LOXHD1: variants seen among roughly 807,000 people sequenced by gnomAD.
LOXHD1 encodes lipoxygenase homology domain-containing protein 1.
LOXHD1 carries 205 observed loss-of-function variants against 248.2 expected under a neutral mutation model. That is an observed-to-expected ratio of 0.83 (90% CI 0.74 to 0.93). The LOEUF (loss-of-function observed/expected upper bound fraction) is 0.93, where lower values mean the gene tolerates loss of function less well. LOXHD1 is among the 40% of genes least tolerant of loss of function. The probability of loss-of-function intolerance (pLI) is 0.00; values close to 1 mark genes in which losing one functional copy is unlikely to be tolerated. For missense variants in LOXHD1, 2,930 were observed against 2,971.6 expected (o/e 0.99, Z 0.33); for synonymous variants, 1,113 against 1,162.8 (o/e 0.96, Z 0.87).
At position 46,518,132 on chromosome 18, in the gene LOXHD1, GCTTT is replaced by G; in HGVS notation, c.5392_5395del (p.Lys1798ProfsTer16). On this transcript the variant is annotated frameshift_variant, in exon 34 of 41. Coordinates refer to ENST00000642948, the MANE Select transcript of LOXHD1 (RefSeq NM_001384474.1). LOFTEE classifies it high-confidence loss of function. ...GGCAGGGGCCGCCTCCAGGTACCTG[GCTTT>G]CTTTTTGTCCAGCTGCATCTCCTCT... is the stretch of plus-strand genomic sequence containing the variant. The G allele has an allele frequency of 6.4e-7, 1 of 1,551,592 alleles. No homozygotes were observed. The highest frequency in any genetic ancestry group is 8.7e-7 in the Non-Finnish European group (1 of 1,146,980).
intron 4 of LOXHD1, among the ~76,000 whole-genome samples, chr18:46,638,353 C>T (rs932397472): frequency 1.3e-5 from 2 of 152,156 alleles, no homozygotes; most frequent in East Asian, 3.8e-4. Context: ...AATCAATGGC[C>T]GGGCACGGTG....
Position 46,642,009 on chromosome 18 carries a change from G to A in LOXHD1, c.273C>T (p.Asn91=), listed in dbSNP as rs543837377. The A allele has an allele frequency of 2.2e-5, 34 of 1,552,308 alleles. No individual in the cohort carries two copies. The African/African-American group carries it at 3.0e-4, about 14-fold the overall frequency. The part of the protein sequence containing the change: ...SKSKSAFEKG[N]VDVFRVRTNN... ...TGGTTCTCACCCGGAACACATCGAC[G>A]TTGCCCTTCTCAAAGGCAGACTTGC... The change falls in exon 3 of 41, where the codon AAC becomes AAT. Residue 91 remains asparagine (N), a synonymous_variant. Transcript: ENST00000642948.
chr18:46,538,356 G>A lies in LOXHD1; in HGVS notation c.3914-19C>T. The A allele has an allele frequency of 1.3e-6, 2 of 1,538,432 alleles. No individual in the cohort carries two copies. Among genetic ancestry groups the A allele is most frequent in the African/African-American group, 1.4e-5 (1 of 72,984 alleles). ...GGAACAACTGAGGGTGGTGGTCAGA[G>A]GGCAAAGCCAGAGTGGATGAGAGAA... On this transcript the variant is annotated intron_variant, in intron 25 of 40. Transcript: ENST00000642948.
chr18:46,485,185 G>A (rs1274631294), intron 38 of LOXHD1, 34 bp from the exon 39 acceptor site: 1 of 1,533,400 alleles, frequency 6.5e-7, no homozygotes, highest in Non-Finnish European at 8.8e-7. Context: ...GGTCAGCACA[G>A]GGGAAGCAGT....
chr18:46,522,253 T>C lies in LOXHD1; in HGVS notation c.4933A>G (p.Ser1645Gly), dbSNP rs1292791816. The C allele has an allele frequency of 6.4e-7, 1 of 1,551,872 alleles. No individual in the cohort carries two copies. Among genetic ancestry groups the C allele is most frequent in the Non-Finnish European group, 8.7e-7 (1 of 1,147,030 alleles). ...CCGATGAGAAAGATGAAGGCTCGGC[T>C]GTCAGTGGCCGCGTCCTTGTGCTTC... is the stretch of plus-strand genomic sequence containing the variant. The part of the protein sequence containing the change: ...TGKHKDAATD[S>G]RAFIFLIGED... Residue 1645 changes from serine (S) to glycine (G), a missense_variant, in exon 32 of 41, where the codon AGC becomes GGC. By Grantham distance (56) the Ser-to-Gly change is moderately conservative. Coordinates refer to ENST00000642948, the MANE Select transcript of LOXHD1 (RefSeq NM_001384474.1).
intron 4 of LOXHD1, among the ~76,000 whole-genome samples, chr18:46,625,431 G>T (rs2038727938): frequency 6.6e-6 from 1 of 151,468 alleles, no homozygotes; most frequent in Non-Finnish European, 1.5e-5. Flanking sequence ...GGGCCACACT[G>T]GAAGGAGAAG....
intron 39 of LOXHD1, 30 bp from the exon 40 acceptor site, chr18:46,483,775 C>T: frequency 6.5e-7 from 1 of 1,544,310 alleles, no homozygotes; most frequent in Non-Finnish European, 8.8e-7. Flanking sequence ...GGTCCATGAG[C>T]TGCCTTTGCC....
intron 4 of LOXHD1, among the ~76,000 whole-genome samples, 170 bp from the exon 5 acceptor site, chr18:46,618,460 G>A (rs2038621819): frequency 6.6e-6 from 1 of 152,118 alleles, no homozygotes; most frequent in South Asian, 2.1e-4. Flanking sequence ...GGTTCCAAAT[G>A]GTCATTGCAT....
rs556365026 is a variant in LOXHD1, at chr18:46,520,853, G to A, written c.5271+244C>T. On this transcript the variant is annotated intron_variant, in intron 33 of 40. Transcript: ENST00000642948. ...CAGGGATGCATTATTTCTAAGCAGT[G>A]TATGGGAAGACCAAGGCCCAGAGAA... is the stretch of plus-strand genomic sequence containing the variant. The A allele has an allele frequency of 2.5e-4, 130 of 528,346 alleles. 1 individual carries two copies. The East Asian group carries it at 3.6e-3, about 15-fold the overall frequency. 32.7% of individuals were successfully genotyped at this position (528,346 alleles called of 1,614,324 possible). A position where few individuals can be genotyped will look rare whatever the true frequency, so the allele number is the denominator to read the frequency against.
chr18:46,575,106 T>C (rs185978241), intron 14 of LOXHD1, among the ~76,000 whole-genome samples: 1 of 152,090 alleles, frequency 6.6e-6, no homozygotes, highest in Non-Finnish European at 1.5e-5. Flanking sequence ...ACCAAACACA[T>C]CCCAACTAGA....
At chr18:46,564,148 AC>A (rs1229579737) in intron 17 of LOXHD1, among the ~76,000 whole-genome samples, 1 of 152,038 alleles carries the variant, frequency 6.6e-6, no homozygotes, top group Admixed American at 6.5e-5. Flanking sequence ...GAGGGCCCAT[AC>A]AAGTGCTTGT....
At chr18:46,481,877 ACTCT>A (rs1219386008) in intron 40 of LOXHD1, among the ~76,000 whole-genome samples, 1 of 151,596 alleles carries the variant, frequency 6.6e-6, no homozygotes, top group Non-Finnish European at 1.5e-5. Flanking sequence ...GGTGCTGAGA[ACTCT>A]CTCTCGGCCA....
intron 5 of LOXHD1, among the ~76,000 whole-genome samples, chr18:46,611,970 C>G (rs1310076134): frequency 1.3e-5 from 2 of 152,100 alleles, no homozygotes. Context: ...GAGGTGGTTG[C>G]TATTGTTCCT....
intron 8 of LOXHD1, among the ~76,000 whole-genome samples, chr18:46,596,994 T>C (rs1162117070): frequency 6.6e-6 from 1 of 152,168 alleles, no homozygotes; most frequent in Non-Finnish European, 1.5e-5. Context: ...AATAAGGTCT[T>C]AGATGCAAGA....
chr18:46,624,685 C>T (rs2038715774), intron 4 of LOXHD1, among the ~76,000 whole-genome samples: 1 of 152,150 alleles, frequency 6.6e-6, no homozygotes, highest in Non-Finnish European at 1.5e-5. Flanking sequence ...TCACTTTGTA[C>T]CAGCTCTTCC....
chr18:46,521,771 C>T (rs904282093), intron 32 of LOXHD1, among the ~76,000 whole-genome samples: 1 of 152,152 alleles, frequency 6.6e-6, no homozygotes, highest in Non-Finnish European at 1.5e-5. Flanking sequence ...GATGGACCCC[C>T]ACTAACTCAC....
At chr18:46,551,579 T>G (rs2038621793) in intron 21 of LOXHD1, among the ~76,000 whole-genome samples, 1 of 151,964 alleles carries the variant, frequency 6.6e-6, no homozygotes. Context: ...TCACTATTAA[T>G]AAAAAAAATC....
chr18:46,503,891 TG>T (rs1364446637), intron 37 of LOXHD1, among the ~76,000 whole-genome samples: 1 of 151,950 alleles, frequency 6.6e-6, no homozygotes, highest in Non-Finnish European at 1.5e-5. Context: ...TGCAGAATGG[TG>T]GCTGGCAAGA....
intron 8 of LOXHD1, among the ~76,000 whole-genome samples, chr18:46,599,829 A>G (rs1248471194): frequency 3.3e-5 from 5 of 152,238 alleles, no homozygotes; most frequent in African/African-American, 1.2e-4. Flanking sequence ...CAACCTTGGT[A>G]GTAATCATAA....
Sources: gnomAD v4.1 joint callset for allele counts (sites outside exome capture counted in the v4.1 genomes callset) on GRCh38, gnomAD v4.1.1 for gene constraint, MANE v1.5 for transcripts, NCBI Gene and HGNC (gene_info 2026-07-23, HGNC 2026-07-21) for gene names.